VPS26A: variants seen among roughly 807,000 people sequenced by gnomAD.
VPS26A encodes vacuolar protein sorting-associated protein 26A.
In VPS26A, 22 loss-of-function variants were observed where a neutral mutation model predicts 42.4. The observed-to-expected ratio is 0.52, with a 90% confidence interval of 0.37 to 0.74. The LOEUF (loss-of-function observed/expected upper bound fraction) is 0.74. Ranked by LOEUF, VPS26A falls within the 30% of genes least tolerant of loss-of-function variation. The probability of loss-of-function intolerance (pLI) is 0.00; values close to 1 mark genes in which losing one functional copy is unlikely to be tolerated. For missense variants in VPS26A, 276 were observed against 379.2 expected (o/e 0.73, Z 2.26); for synonymous variants, 110 against 123.5 (o/e 0.89, Z 0.73).
chr10:69,140,363 G>A (rs980537675), intron 2 of VPS26A, among the ~76,000 whole-genome samples: 3 of 151,184 alleles, frequency 2.0e-5, no homozygotes, highest in Admixed American at 2.0e-4. Context: ...CACTGCACCC[G>A]ACCTTCTCCT....
intron 5 of VPS26A, 115 bp downstream of exon 5, chr10:69,158,326 C>A: frequency 1.1e-6 from 1 of 888,502 alleles, no homozygotes; most frequent in Non-Finnish European, 1.6e-6. Context: ...GTTAACAAAT[C>A]AACAGGATCT....
At chr10:69,163,563 T>G (rs1841610013) in intron 6 of VPS26A, among the ~76,000 whole-genome samples, 1 of 152,172 alleles carries the variant, frequency 6.6e-6, no homozygotes, top group Non-Finnish European at 1.5e-5. Flanking sequence ...TTAGCTCATT[T>G]GATGGGTAAG....
intron 1 of VPS26A, among the ~76,000 whole-genome samples, chr10:69,126,626 C>T (rs1840660530): frequency 6.6e-6 from 1 of 151,902 alleles, no homozygotes; most frequent in Non-Finnish European, 1.5e-5. Flanking sequence ...ATATCCTAAC[C>T]CTCAACAAAT....
At chr10:69,159,621 AATGTT>A (rs1456505628) in intron 5 of VPS26A, among the ~76,000 whole-genome samples, 2 of 152,160 alleles carry the variant, frequency 1.3e-5, no homozygotes, top group African/African-American at 2.4e-5. Flanking sequence ...CTCTTATTTA[AATGTT>A]ATATGACAAG....
At position 69,173,904 on chromosome 10, in the gene VPS26A, G is replaced by A. The variant is rs148027665; in HGVS notation, c.*2635G>A. ...CCCAGCTACTAGGGAGGCTGAGGCA[G>A]AATTGCTTGAACCCGGGAGGCAGAG... On this transcript the variant is annotated 3_prime_UTR_variant, in exon 9 of 9. Coordinates refer to ENST00000263559, the MANE Select transcript of VPS26A (RefSeq NM_004896.5). Among the ~76,000 whole-genome samples the A allele has an allele frequency of 0.015, 2,324 of 151,868 alleles. 66 individuals are homozygous for A. Among genetic ancestry groups the A allele is most frequent in the African/African-American group, 0.054 (2,224 of 41,222 alleles).
intron 1 of VPS26A, among the ~76,000 whole-genome samples, chr10:69,124,567 C>T (rs1365490172): frequency 6.6e-6 from 1 of 152,278 alleles, no homozygotes; most frequent in Admixed American, 6.5e-5. Context: ...GCTGGGGACT[C>T]GGACCCCGCC....
At chr10:69,160,135 C>CAG (rs1187224143) in intron 5 of VPS26A, among the ~76,000 whole-genome samples, 1 of 29,232 alleles carries the variant, frequency 3.4e-5, no homozygotes, top group South Asian at 1.6e-3. Context: ...TTTACACACA[C>CAG]ACACACACAC....
chr10:69,157,312 T>G, intron 4 of VPS26A, 149 bp downstream of exon 4: 1 of 998,184 alleles, frequency 1.0e-6, no homozygotes, highest in South Asian at 2.0e-5. Context: ...CTAATGCTGA[T>G]TTGAGGTAAT....
At chr10:69,149,004 C>A (rs1841227943) in intron 2 of VPS26A, among the ~76,000 whole-genome samples, 1 of 152,146 alleles carries the variant, frequency 6.6e-6, no homozygotes, top group Non-Finnish European at 1.5e-5. Context: ...GATCTGCCTG[C>A]CTCAGCCTCC....
rs1314102924 is a variant in VPS26A at position 69,172,313 on chromosome 10, AAATTC to A, written c.*1047_*1051del. On this transcript the variant is annotated 3_prime_UTR_variant, in exon 9 of 9. Coordinates refer to ENST00000263559, the MANE Select transcript of VPS26A (RefSeq NM_004896.5). ...TCTAGTCTCTTAATTTTTTAACACT[AAATTC>A]AAGTCATTTGTTTTAAGTCTCTAAA... The A allele has an allele frequency of 1.3e-5, 2 of 152,202 alleles. No individual in the cohort carries two copies. Among genetic ancestry groups the A allele is most frequent in the Admixed American group, 6.6e-5 (1 of 15,266 alleles). 9.4% of individuals were successfully genotyped at this position (152,202 alleles called of 1,614,324 possible).
Position 69,132,897 on chromosome 10 carries a change from G to T in VPS26A, c.4-1G>T. The T allele has an allele frequency of 6.3e-7, 1 of 1,577,254 alleles. No individual in the cohort carries two copies. The highest frequency in any genetic ancestry group is 8.5e-7 in the Non-Finnish European group (1 of 1,170,160). On this transcript the variant is annotated splice_acceptor_variant, in intron 1 of 8. Coordinates refer to ENST00000263559, the MANE Select transcript of VPS26A (RefSeq NM_004896.5). LOFTEE classifies it high-confidence loss of function. ...TTATGACCATTTTCATTTTATTTCA[G>T]AGTTTTCTTGGAGGCTTTTTTGGTC...
chr10:69,126,288 C>T (rs925442266), intron 1 of VPS26A, among the ~76,000 whole-genome samples: 4 of 152,062 alleles, frequency 2.6e-5, no homozygotes, highest in Non-Finnish European at 5.9e-5. Context: ...ATGGCGAAAC[C>T]CCGTCTTCAC....
intron 4 of VPS26A, 112 bp downstream of exon 4, chr10:69,157,275 T>A: frequency 7.3e-7 from 1 of 1,372,400 alleles, no homozygotes. Context: ...GATTTAAGAT[T>A]TTTAAAAATT....
chr10:69,147,274 A>ATGGT (rs1841182287), intron 2 of VPS26A, among the ~76,000 whole-genome samples: 1 of 151,704 alleles, frequency 6.6e-6, no homozygotes, highest in South Asian at 2.1e-4. Context: ...TTTTCTTTTT[A>ATGGT]TGGTTGAGTT....
intron 2 of VPS26A, among the ~76,000 whole-genome samples, chr10:69,150,298 C>T (rs546255369): frequency 4.7e-4 from 72 of 152,242 alleles, no homozygotes; most frequent in Non-Finnish European, 6.3e-4. Flanking sequence ...TGAAGCGGTC[C>T]GCTCACCTCA....
chr10:69,159,396 A>C (rs1006323706), intron 5 of VPS26A, among the ~76,000 whole-genome samples: 9 of 152,054 alleles, frequency 5.9e-5, no homozygotes, highest in African/African-American at 2.2e-4. Flanking sequence ...AAAAAACAAA[A>C]AAAAAAGATT....
chr10:69,127,250 A>G (rs1427076495), intron 1 of VPS26A, among the ~76,000 whole-genome samples: 2 of 149,628 alleles, frequency 1.3e-5, no homozygotes, highest in Non-Finnish European at 3.0e-5. Flanking sequence ...CTGGCTGACT[A>G]GTTCATTTTC....
In VPS26A at chr10:69,171,494, GTTAAGCTGCCTTTTTTTTT is replaced by G; in HGVS notation, c.*230_*248del. On this transcript the variant is annotated 3_prime_UTR_variant, in exon 9 of 9. Transcript: ENST00000263559. ...GCTTTCTTTGAAACACTGGAACTTT[GTTAAGCTGCCTTTTTTTTT>G]TTAACTTCCTACTTTGATGATAAGC... 2.8e-6 allele frequency: 1 copy of G among 352,300 alleles called. No homozygotes were observed. Among genetic ancestry groups the G allele is most frequent in the South Asian group, 5.4e-5 (1 of 18,424 alleles). The allele number at this position is 352,300 out of a possible 1,614,324, so 21.8% of individuals were successfully genotyped here.
intron 1 of VPS26A, among the ~76,000 whole-genome samples, chr10:69,126,278 A>G (rs1392075544): frequency 6.6e-6 from 1 of 152,128 alleles, no homozygotes; most frequent in Non-Finnish European, 1.5e-5. Context: ...CCTGGCCAAC[A>G]TGGCGAAACC....
Sources: gnomAD v4.1 joint callset for allele counts (sites outside exome capture counted in the v4.1 genomes callset) on GRCh38, gnomAD v4.1.1 for gene constraint, MANE v1.5 for transcripts, NCBI Gene and HGNC (gene_info 2026-07-23, HGNC 2026-07-21) for gene names.